The following SPEN variants were observed in gnomAD, a reference collection of about 807,000 sequenced individuals.
SPEN encodes spen family transcriptional repressor, also known as msx2-interacting protein.
SPEN carries 18 observed loss-of-function variants against 269.9 expected under a neutral mutation model. The ratio of observed to expected loss-of-function variants is 0.07; its 90% CI spans 0.05 to 0.10. SPEN has a LOEUF of 0.10. SPEN is among the 10% of genes least tolerant of loss of function. The pLI is 1.00. For missense variants in SPEN, 3,822 were observed against 4,631.2 expected, an observed-to-expected ratio of 0.83 and a Z score of 5.07; for synonymous variants, 1,726 against 1,765.7, an observed-to-expected ratio of 0.98 and a Z score of 0.56.
chr1:15,908,627 T>G (rs2070983831), intron 3 of SPEN, among the ~76,000 whole-genome samples: 1 of 152,154 alleles, frequency 6.6e-6, no homozygotes, highest in Admixed American at 6.6e-5. Context: ...TTCACCATGT[T>G]GGCCAGGATG....
At chr1:15,926,611 A>G (rs1017396509) in intron 10 of SPEN, among the ~76,000 whole-genome samples, 1 of 151,954 alleles carries the variant, frequency 6.6e-6, no homozygotes, top group Admixed American at 6.6e-5. Flanking sequence ...GAGTGCTATG[A>G]GCCAAGTGCT....
At position 15,860,074 on chromosome 1, in the gene SPEN, G is replaced by A. The variant is rs541003025; in HGVS notation, c.83+11924G>A. Among the ~76,000 whole-genome samples the A allele has an allele frequency of 2.1e-3, 318 of 151,602 alleles. 1 individual carries two copies. Among genetic ancestry groups the A allele is most frequent in the Non-Finnish European group, 3.8e-3 (258 of 67,832 alleles). ...TTACAGGCGCCCGCCACCACACCCG[G>A]CTAATTTTTTGTATTTTTAGTAGAG... On this transcript the variant is annotated intron_variant, in intron 1 of 14. Coordinates refer to ENST00000375759, the MANE Select transcript of SPEN (RefSeq NM_015001.3).
intron 3 of SPEN, among the ~76,000 whole-genome samples, chr1:15,878,642 T>G (rs1329246093): frequency 6.6e-6 from 1 of 152,202 alleles, no homozygotes; most frequent in East Asian, 1.9e-4. Flanking sequence ...TGCTCAAGTT[T>G]TAGTCATTTT....
Position 15,937,259 on chromosome 1 carries a change from G to C in SPEN, c.10123G>C (p.Gly3375Arg), listed in dbSNP as rs747098120. 2 of 1,613,692 alleles carry C rather than the reference G, an allele frequency of 1.2e-6. No individual in the cohort carries two copies. The highest frequency in any genetic ancestry group is 2.2e-5 in the South Asian group (2 of 91,076). The change falls in exon 12 of 15, where the codon GGT becomes CGT. Residue 3375 changes from glycine (G) to arginine (R), a missense_variant. By Grantham distance (125) the Gly-to-Arg change is moderately radical (BLOSUM62 -2). Transcript: ENST00000375759. The surrounding 1 kb of genome is among the most constrained non-coding windows in gnomAD (Gnocchi z 5.7). The part of the protein sequence containing the change: ...PAPPCPPSQL[G>R]QPGQPPSSKM... ...ACCACCCTGCCCGCCCTCCCAGCTC[G>C]GTCAGCCCGGCCAGCCACCAAGCAG...
In SPEN at chr1:15,939,985, TCTC is replaced by T. The variant is rs2071325167; in HGVS notation, c.*561_*563del. The T allele has an allele frequency of 4.3e-6, 1 of 231,890 alleles. No individual in the cohort carries two copies. Among genetic ancestry groups the T allele is most frequent in the Admixed American group, 5.7e-5 (1 of 17,672 alleles). 14.4% of individuals were successfully genotyped at this position (231,890 alleles called of 1,614,324 possible). On this transcript the variant is annotated 3_prime_UTR_variant, in exon 15 of 15. Transcript: ENST00000375759. The surrounding 1 kb of genome is among the most constrained non-coding windows in gnomAD (Gnocchi z 4.1). ...GCTCATTTGGATGCGTCACCTTAAT[TCTC>T]CTGCTGCCACCGTCTTTGATTCACC... is the stretch of plus-strand genomic sequence containing the variant.
chr1:15,914,830 A>T (rs554671273), intron 5 of SPEN, among the ~76,000 whole-genome samples: 5 of 152,156 alleles, frequency 3.3e-5, no homozygotes, highest in African/African-American at 7.2e-5. Context: ...ATCTCAAAGA[A>T]AAAAAAGAAG....
intron 3 of SPEN, among the ~76,000 whole-genome samples, chr1:15,906,121 A>G (rs948815667): frequency 4.6e-5 from 7 of 152,228 alleles, no homozygotes; most frequent in Admixed American, 6.5e-5. Context: ...TTTAACATGT[A>G]TAACAAGTAT....
chr1:15,876,002 A>T (rs954805866), intron 2 of SPEN, among the ~76,000 whole-genome samples, 200 bp from the exon 3 acceptor site: 1 of 152,236 alleles, frequency 6.6e-6, no homozygotes, highest in Non-Finnish European at 1.5e-5. Flanking sequence ...GAAAACAATG[A>T]TTGCTCAGCT....
At chr1:15,918,208 C>T (rs1213583987) in intron 6 of SPEN, among the ~76,000 whole-genome samples, 1 of 152,140 alleles carries the variant, frequency 6.6e-6, no homozygotes, top group Non-Finnish European at 1.5e-5. Context: ...TATTAATCTT[C>T]TCAGATATCA....
At chr1:15,904,797 G>A (rs1251614932) in intron 3 of SPEN, among the ~76,000 whole-genome samples, 1 of 150,610 alleles carries the variant, frequency 6.6e-6, no homozygotes, top group African/African-American at 2.4e-5. Context: ...TAATAAATCT[G>A]TTTAAATGTT....
At chr1:15,938,645 A>C in intron 13 of SPEN, 73 bp from the exon 14 acceptor site, 1 of 1,425,628 alleles carries the variant, frequency 7.0e-7, no homozygotes, top group Non-Finnish European at 9.4e-7. Context: ...TGTGGACCTG[A>C]TACTGTGGGT....
At chr1:15,926,380 T>TACAC (rs199815081) in intron 10 of SPEN, among the ~76,000 whole-genome samples, 32 of 141,386 alleles carry the variant, frequency 2.3e-4, no homozygotes, top group South Asian at 7.0e-4. Context: ...CTCAGATATA[T>TACAC]ACATACACAC....
intron 1 of SPEN, among the ~76,000 whole-genome samples, chr1:15,865,535 G>T (rs2070496758): frequency 6.8e-6 from 1 of 147,946 alleles, no homozygotes; most frequent in South Asian, 2.1e-4. Context: ...CGATTCTCCT[G>T]CCTCAACCTC....
In SPEN at chr1:15,935,870, C is replaced by T. The variant is rs771829980; in HGVS notation, c.9630C>T (p.Pro3210=). 5.6e-6 allele frequency: 9 copies of T among 1,613,474 alleles called. No individual in the cohort carries two copies. The African/African-American group carries it at 1.2e-4, about 22-fold the overall frequency. Residue 3210 remains proline, a synonymous_variant, in exon 11 of 15, where the codon CCC becomes CCT. Coordinates refer to ENST00000375759, the MANE Select transcript of SPEN (RefSeq NM_015001.3). This position sits in a 1 kb window ranked among gnomAD's most constrained non-coding sequence, Gnocchi z 7.7. ...ATGTGACGGCAGTCAGCGAGCAGCC[C>T]AGGGCCGCGGATGGGGTGGTGAAGG... ...HPHVTAVSEQ[P]RAADGVVKVP...
In SPEN at chr1:15,876,497, G is replaced by C. The variant is rs772606837; in HGVS notation, c.700G>C (p.Glu234Gln). The C allele has an allele frequency of 6.2e-7, 1 of 1,614,178 alleles. No individual in the cohort carries two copies. The highest frequency in any genetic ancestry group is 8.5e-7 in the Non-Finnish European group (1 of 1,180,024). The change falls in exon 3 of 15, where the codon GAG becomes CAG. Residue 234 changes from glutamate to glutamine, a missense_variant. Around this residue, in one of 16 missense-constraint regions of SPEN, gnomAD observed 327 missense variants for 350.8 expected, o/e 0.93. Transcript: ENST00000375759. ...CCGGGAGGTACGAGGCAGAAGGCCAGAGCGGAATTACCAGCACAGCAGGAG... is the reference window on the plus strand; with the variant it reads ...CCGGGAGGTACGAGGCAGAAGGCCACAGCGGAATTACCAGCACAGCAGGAG... ...ITREVRGRRPERNYQHSRSRS... is the reference protein window; with the variant it reads ...ITREVRGRRPQRNYQHSRSRS...
rs376872398 is a variant in SPEN at position 15,935,352 on chromosome 1, A to G, written c.9112A>G (p.Arg3038Gly). ...PSGPGPSSFP[R>G]ASHPSSTAST... ...TGGACCCGGGCCATCCTCATTCCCA[A>G]GGGCAAGCCACCCCAGCAGTACTGC... The change falls in exon 11 of 15, where the codon AGG becomes GGG. Residue 3038 changes from arginine to glycine, a missense_variant. Physicochemically the swap from Arg to Gly is moderately radical, Grantham distance 125. Around this residue, in one of 16 missense-constraint regions of SPEN, gnomAD observed 94 missense variants for 90.4 expected, o/e 1.04. Transcript: ENST00000375759. This position sits in a 1 kb window ranked among gnomAD's most constrained non-coding sequence, Gnocchi z 7.7. The G allele has an allele frequency of 4.3e-6, 7 of 1,613,902 alleles. No homozygotes were observed. The highest frequency in any genetic ancestry group is 5.9e-6 in the Non-Finnish European group (7 of 1,179,992).
In SPEN at chr1:15,933,259, G is replaced by C; in HGVS notation, c.7019G>C (p.Arg2340Pro). ...KGRQKTTRSR[R>P]KRNTNKKVVA... is the part of the protein sequence containing the mutation. Reference sequence around the variant, plus strand: ...CGCCAGAAAACAACCCGATCACGCCGCAAGCGAAACACAAACAAGAAAGTG... The same window carrying C: ...CGCCAGAAAACAACCCGATCACGCCCCAAGCGAAACACAAACAAGAAAGTG... The change falls in exon 11 of 15, where the codon CGC becomes CCC. Residue 2340 changes from arginine (R) to proline (P), a missense_variant. By Grantham distance (103) the Arg-to-Pro change is moderately radical (BLOSUM62 -2). This residue lies in a region of SPEN where 727 missense variants were observed against 737.9 expected (regional missense o/e 0.99). Transcript: ENST00000375759. This position sits in a 1 kb window ranked among gnomAD's most constrained non-coding sequence, Gnocchi z 5.7. 1 of 1,614,118 alleles carries C rather than the reference G, an allele frequency of 6.2e-7. No homozygotes were observed. The highest frequency in any genetic ancestry group is 1.1e-5 in the South Asian group (1 of 91,086).
chr1:15,937,538 C>T lies in SPEN; in HGVS notation c.10402C>T (p.Pro3468Ser). The change falls in exon 12 of 15, where the codon CCA (proline) becomes TCA (serine). Residue 3468 changes from proline (P) to serine (S), a missense_variant. This residue lies in a region of SPEN where 359 missense variants were observed against 377.3 expected (regional missense o/e 0.95). Transcript: ENST00000375759. This position sits in a 1 kb window ranked among gnomAD's most constrained non-coding sequence, Gnocchi z 5.7. ...FVPTTSGPSTPPGLVLPHTEF... is the reference protein window; with the variant it reads ...FVPTTSGPSTSPGLVLPHTEF... ...CCCAACAACCTCTGGCCCCAGCACCCCACCAGGACTGGTTCTGCCACACAC... is the reference window on the plus strand; with the variant it reads ...CCCAACAACCTCTGGCCCCAGCACCTCACCAGGACTGGTTCTGCCACACAC... 2 of 1,614,136 alleles carry T rather than the reference C, an allele frequency of 1.2e-6. No individual in the cohort carries two copies. Among genetic ancestry groups the T allele is most frequent in the Non-Finnish European group, 1.7e-6 (2 of 1,180,016 alleles).
chr1:15,908,532 C>T (rs1332399317), intron 3 of SPEN, among the ~76,000 whole-genome samples: 3 of 152,094 alleles, frequency 2.0e-5, no homozygotes, highest in Non-Finnish European at 4.4e-5. Context: ...ACGCCATTCT[C>T]CTGCCTCAGC....
Sources: gnomAD v4.1 joint callset for allele counts (sites outside exome capture counted in the v4.1 genomes callset) on GRCh38, gnomAD v4.1.1 for gene constraint, gnomAD v4.1.1 regional missense constraint, Gnocchi (gnomAD v3.1) non-coding constraint, MANE v1.5 for transcripts, NCBI Gene and HGNC (gene_info 2026-07-23, HGNC 2026-07-21) for gene names.